The following PHF21A variants were observed in gnomAD, a reference collection of about 807,000 sequenced individuals.
PHF21A encodes the protein PHD finger protein 21A, also known as BHC80a.
In PHF21A, 11 loss-of-function variants were observed where a neutral mutation model predicts 82.5. The ratio of observed to expected loss-of-function variants is 0.13; its 90% CI spans 0.08 to 0.22. The LOEUF (loss-of-function observed/expected upper bound fraction) is 0.22. Ranked by LOEUF, PHF21A falls within the 10% of genes least tolerant of loss-of-function variation. PHF21A has a pLI of 1.00. For synonymous variants in PHF21A, 297 were observed against 302.8 expected, an observed-to-expected ratio of 0.98 and a Z score of 0.20; for missense variants, 579 against 837.8, an observed-to-expected ratio of 0.69 and a Z score of 3.81.
intron 7 of PHF21A, among the ~76,000 whole-genome samples, chr11:45,973,438 A>G (rs1237216776): frequency 6.6e-6 from 1 of 152,180 alleles, no homozygotes; most frequent in Non-Finnish European, 1.5e-5. Context: ...GCGCATATAC[A>G]CATATTATCT....
intron 11 of PHF21A, 72 bp from the exon 12 acceptor site, chr11:45,950,329 AG>A: frequency 7.4e-7 from 1 of 1,345,516 alleles, no homozygotes; most frequent in South Asian, 1.2e-5. Flanking sequence ...AGTTCCTAGT[AG>A]GACATTAGGG....
chr11:46,099,523 G>GACACACACAAACAC (rs2097058290), intron 1 of PHF21A, among the ~76,000 whole-genome samples: 1 of 137,592 alleles, frequency 7.3e-6, no homozygotes, highest in African/African-American at 2.7e-5. Flanking sequence ...AGAAAAATTA[G>GACACACACAAACAC]ACACACACAC....
chr11:46,105,224 G>A (rs1010349763), intron 1 of PHF21A, among the ~76,000 whole-genome samples: 1 of 152,174 alleles, frequency 6.6e-6, no homozygotes, highest in Non-Finnish European at 1.5e-5. Flanking sequence ...CTTAACCTCT[G>A]TGTTCTACTG....
chr11:46,013,590 A>G (rs907485211), intron 6 of PHF21A, among the ~76,000 whole-genome samples: 3 of 152,206 alleles, frequency 2.0e-5, no homozygotes, highest in Admixed American at 2.0e-4. Context: ...GTGTTGCTTA[A>G]TAACAGGGAT....
At chr11:45,951,099 T>C (rs1403265615) in intron 11 of PHF21A, among the ~76,000 whole-genome samples, 2 of 152,224 alleles carry the variant, frequency 1.3e-5, no homozygotes, top group African/African-American at 4.8e-5. Context: ...AACAAATTGA[T>C]TTCTATTCTT....
intron 6 of PHF21A, among the ~76,000 whole-genome samples, chr11:46,021,464 G>A (rs1279221861): frequency 6.6e-6 from 1 of 152,038 alleles, no homozygotes; most frequent in African/African-American, 2.4e-5. Flanking sequence ...ATTCATCCTG[G>A]GCCCAAGCAT....
chr11:46,119,146 T>A (rs553485900), intron 1 of PHF21A, among the ~76,000 whole-genome samples: 1 of 152,166 alleles, frequency 6.6e-6, no homozygotes, highest in South Asian at 2.1e-4. Context: ...CAAATTAATC[T>A]GATTCTAATA....
chr11:46,038,615 G>A (rs914308840), intron 6 of PHF21A, among the ~76,000 whole-genome samples: 35 of 152,164 alleles, frequency 2.3e-4, no homozygotes, highest in African/African-American at 8.2e-4. Flanking sequence ...TATGGAGGCT[G>A]AGAAGTCCAA....
chr11:46,042,523 G>A (rs1213545013), intron 6 of PHF21A, among the ~76,000 whole-genome samples: 1 of 152,104 alleles, frequency 6.6e-6, no homozygotes, highest in Non-Finnish European at 1.5e-5. Context: ...AGAGATTGGT[G>A]AAATGTATAG....
intron 6 of PHF21A, among the ~76,000 whole-genome samples, chr11:46,021,668 A>C (rs530636195): frequency 3.1e-4 from 47 of 152,198 alleles, no homozygotes; most frequent in Admixed American, 2.4e-3. Flanking sequence ...CAGCCTCTCA[A>C]GTCTCTGAGA....
At chr11:45,958,624 A>AT (rs2092878980) in intron 10 of PHF21A, among the ~76,000 whole-genome samples, 1 of 150,982 alleles carries the variant, frequency 6.6e-6, no homozygotes, top group Non-Finnish European at 1.5e-5. Context: ...AACGAAAAAA[A>AT]TTAAATTATA....
At chr11:46,034,055 T>C (rs2095928985) in intron 6 of PHF21A, among the ~76,000 whole-genome samples, 1 of 152,260 alleles carries the variant, frequency 6.6e-6, no homozygotes, top group South Asian at 2.1e-4. Context: ...TTTGCCAATC[T>C]GTCAGAAGTA....
chr11:45,997,531 A>G (rs1188929438), intron 6 of PHF21A, among the ~76,000 whole-genome samples: 3 of 152,182 alleles, frequency 2.0e-5, no homozygotes, highest in Non-Finnish European at 4.4e-5. Context: ...TGGTTTCTCA[A>G]TGTCTAGATC....
intron 6 of PHF21A, among the ~76,000 whole-genome samples, chr11:46,046,925 C>T (rs983210247): frequency 6.6e-6 from 1 of 152,200 alleles, no homozygotes; most frequent in East Asian, 1.9e-4. Context: ...ATTCAGAAGT[C>T]TGAGCTGTTT....
intron 1 of PHF21A, among the ~76,000 whole-genome samples, chr11:46,099,523 G>GAGACACACACACACACACACACAC (rs2097058153): frequency 7.3e-6 from 1 of 137,592 alleles, no homozygotes; most frequent in African/African-American, 2.7e-5. Context: ...AGAAAAATTA[G>GAGACACACACACACACACACACAC]ACACACACAC....
At chr11:46,113,484 T>A (rs975850036) in intron 1 of PHF21A, among the ~76,000 whole-genome samples, 1 of 152,220 alleles carries the variant, frequency 6.6e-6, no homozygotes, top group Non-Finnish European at 1.5e-5. Flanking sequence ...AATAGTTTTT[T>A]AAAGTTTGAA....
intron 15 of PHF21A, among the ~76,000 whole-genome samples, chr11:45,941,426 T>C (rs1426391284): frequency 2.6e-5 from 4 of 152,146 alleles, no homozygotes; most frequent in African/African-American, 4.8e-5. Context: ...GCTGCCAGAG[T>C]GACATCATCA....
chr11:45,982,859 C>T lies in PHF21A; in HGVS notation c.154-2893G>A, dbSNP rs144784051. On this transcript the variant is annotated intron_variant, in intron 6 of 18. Transcript: ENST00000676320. The stretch of plus-strand genomic sequence containing the variant: ...GAAATAATACAACATAAACATGACA[C>T]CTGCCAAAAAATAAACTTTGGACAA... Among the ~76,000 whole-genome samples, 119 of 152,210 alleles carry T rather than the reference C, an allele frequency of 7.8e-4. 1 individual carries two copies. Among genetic ancestry groups the T allele is most frequent in the African/African-American group, 2.7e-3 (111 of 41,544 alleles).
chr11:46,083,167 T>C (rs1356244575), intron 4 of PHF21A, among the ~76,000 whole-genome samples: 1 of 144,198 alleles, frequency 6.9e-6, no homozygotes, highest in Non-Finnish European at 1.5e-5. Context: ...AGAAGCAAAG[T>C]TAAAAAAAAA....
Sources: allele counts gnomAD v4.1 joint callset (sites outside exome capture counted in the v4.1 genomes callset), GRCh38; gene constraint gnomAD v4.1.1; transcripts MANE v1.5; gene names NCBI Gene and HGNC (gene_info 2026-07-23, HGNC 2026-07-21).